Variants in CDH10 observed in about 807,000 individuals in gnomAD.
CDH10 encodes the protein cadherin 10.
A neutral mutation model predicts 73.1 loss-of-function variants in CDH10; 30 were observed. The ratio of observed to expected loss-of-function variants is 0.41; its 90% confidence interval spans 0.31 to 0.56. The LOEUF is 0.56. Among genes scored for constraint, CDH10 ranks in the 20% least tolerant of loss-of-function variants. CDH10 has a pLI of 0.27. For synonymous variants in CDH10, 345 were observed against 348.2 expected, an observed-to-expected ratio of 0.99 and a Z score of 0.10; for missense variants, 815 against 973.7, an observed-to-expected ratio of 0.84 and a Z score of 2.17.
Position 24,491,678 on chromosome 5 carries a change from G to A in CDH10, c.1774C>T (p.Gln592Ter). Residue 592 changes from glutamine to a stop codon, truncating the protein, a stop_gained, in exon 11 of 12, where the codon CAA (glutamine) becomes TAA (stop). Transcript: ENST00000264463. LOFTEE classifies it high-confidence loss of function. ...GCACTGCAGGATTGCATGTTGCCTTGGCTGTCACAAGCACACACTCGAATG... is the reference window on the plus strand; with the variant it reads ...GCACTGCAGGATTGCATGTTGCCTTAGCTGTCACAAGCACACACTCGAATG... Reference protein sequence around the residue: ...LTIRVCACDSQGNMQSCSAEA... With the variant: ...LTIRVCACDS 6.2e-7 allele frequency: 1 copy of A among 1,613,934 alleles called. No individual in the cohort carries two copies. Among genetic ancestry groups the A allele is most frequent in the Non-Finnish European group, 8.5e-7 (1 of 1,179,884 alleles).
rs1286070945 is a variant in CDH10 at position 24,487,574 on chromosome 5, G to A, written c.*89C>T. On this transcript the variant is annotated 3_prime_UTR_variant, in exon 12 of 12. Coordinates refer to ENST00000264463, the MANE Select transcript of CDH10 (RefSeq NM_006727.5). ...GAAAAAAAATTGTGCTGACTGGCAG[G>A]AAAATGCTCCTGAATATCAAATATT... is the stretch of plus-strand genomic sequence containing the variant. 1.5e-6 allele frequency: 2 copies of A among 1,339,874 alleles called. No individual in the cohort carries two copies. The highest frequency in any genetic ancestry group is 2.0e-6 in the Non-Finnish European group (2 of 976,438). The allele number at this position is 1,339,874 out of a possible 1,614,324, so 83.0% of individuals were successfully genotyped here. A position where few individuals can be genotyped will look rare whatever the true frequency, so the allele number is the denominator to read the frequency against.
intron 8 of CDH10, 63 bp downstream of exon 8, chr5:24,505,049 T>C: frequency 8.9e-7 from 1 of 1,126,912 alleles, no homozygotes; most frequent in Non-Finnish European, 1.3e-6. Flanking sequence ...TATGTTAAAC[T>C]GCATAAAATA....
At position 24,517,236 on chromosome 5, in the gene CDH10, G is replaced by A. The variant is rs890686310; in HGVS notation, c.815-5722C>T. On this transcript the variant is annotated intron_variant, in intron 5 of 11. Coordinates refer to ENST00000264463, the MANE Select transcript of CDH10 (RefSeq NM_006727.5). ...GTAAATTTATATTTGTGAAGTAGTC[G>A]CACATTTTTGTTTAATCATTATTGC... 9.2e-5 allele frequency among the ~76,000 whole-genome samples: 14 copies of A among 152,140 alleles called. 1 individual carries two copies. The highest frequency in any genetic ancestry group is 4.1e-4 in the South Asian group (2 of 4,826).
chr5:24,602,372 G>A (rs1388033051), intron 1 of CDH10, among the ~76,000 whole-genome samples: 1 of 152,110 alleles, frequency 6.6e-6, no homozygotes, highest in Admixed American at 6.5e-5. Flanking sequence ...GGACCATTAA[G>A]CCACAATCTG....
In CDH10 at chr5:24,487,525, A is replaced by C. The variant is rs1378912337; in HGVS notation, c.*138T>G. Reference sequence around the variant, plus strand: ...CTACAGGAAAGAATTAATGTAATTAATGAACAAATTAAGAAGTAAATGAGA... The same window carrying C: ...CTACAGGAAAGAATTAATGTAATTACTGAACAAATTAAGAAGTAAATGAGA... On this transcript the variant is annotated 3_prime_UTR_variant, in exon 12 of 12. Transcript: ENST00000264463. The C allele has an allele frequency of 2.7e-6, 2 of 743,274 alleles. No individual in the cohort carries two copies. Among genetic ancestry groups the C allele is most frequent in the Non-Finnish European group, 4.5e-6 (2 of 440,378 alleles). 46.0% of individuals were successfully genotyped at this position (743,274 alleles called of 1,614,324 possible). A position where few individuals can be genotyped will look rare whatever the true frequency, so the allele number is the denominator to read the frequency against.
At chr5:24,554,116 G>GAGAGAGAGAGAGAGAGGAGA (rs1561159236) in intron 2 of CDH10, 1 of 26,336 alleles carries the variant, frequency 3.8e-5, no homozygotes, top group Non-Finnish European at 9.2e-5. Context: ...GTGGGCGGGG[G>GAGAGAGAGAGAGAGAGGAGA]GGGGAGAGAG....
intron 2 of CDH10, among the ~76,000 whole-genome samples, chr5:24,557,996 G>T (rs1173048584): frequency 1.3e-5 from 2 of 151,564 alleles, no homozygotes; most frequent in East Asian, 3.9e-4. Flanking sequence ...GAAACAAGAG[G>T]CAAAGTATGA....
intron 2 of CDH10, among the ~76,000 whole-genome samples, chr5:24,579,058 G>C (rs7447903): frequency 3.3e-5 from 5 of 151,670 alleles, no homozygotes; most frequent in African/African-American, 7.2e-5. Flanking sequence ...TAATCACTCA[G>C]GTTAATTTAC....
At position 24,555,495 on chromosome 5, in the gene CDH10, A is replaced by G. The variant is rs541298857; in HGVS notation, c.232-17821T>C. On this transcript the variant is annotated intron_variant, in intron 2 of 11. Coordinates refer to ENST00000264463, the MANE Select transcript of CDH10 (RefSeq NM_006727.5). ...TTACTCTGTCGGCAGAGCAGGCAGC[A>G]TAAGTTTCATGCTAGTATCAGTTTC... 9.2e-5 allele frequency among the ~76,000 whole-genome samples: 14 copies of G among 152,288 alleles called. No individual in the cohort carries two copies. The South Asian group carries it at 2.5e-3, about 27-fold the overall frequency.
chr5:24,575,897 T>C (rs1745582684), intron 2 of CDH10, among the ~76,000 whole-genome samples: 1 of 151,932 alleles, frequency 6.6e-6, no homozygotes, highest in African/African-American at 2.4e-5. Context: ...TCTATAAACA[T>C]TTTTTTTCTC....
intron 5 of CDH10, among the ~76,000 whole-genome samples, chr5:24,526,750 T>C (rs1301919888): frequency 6.6e-6 from 1 of 151,876 alleles, no homozygotes; most frequent in Non-Finnish European, 1.5e-5. Flanking sequence ...GCTATCAAAA[T>C]AATTGGTCAA....
chr5:24,644,527 C>G (rs187386200), intron 1 of CDH10, 67 bp downstream of exon 1: 2 of 151,924 alleles, frequency 1.3e-5, no homozygotes. Flanking sequence ...TCTCCCCCCC[C>G]ACCCCTCAAG....
intron 4 of CDH10, 110 bp downstream of exon 4, chr5:24,535,593 C>T (rs1212088046): frequency 3.2e-6 from 3 of 945,352 alleles, no homozygotes; most frequent in African/African-American, 3.3e-5. Flanking sequence ...TGTCTTCACT[C>T]ATCTGTGAGT....
intron 2 of CDH10, among the ~76,000 whole-genome samples, chr5:24,540,817 A>C (rs1008490539): frequency 1.1e-4 from 16 of 151,960 alleles, no homozygotes; most frequent in African/African-American, 3.4e-4. Context: ...ATTTGAGGGC[A>C]TGACATTAGC....
chr5:24,507,493 A>C (rs1742739222), intron 7 of CDH10, among the ~76,000 whole-genome samples: 1 of 151,768 alleles, frequency 6.6e-6, no homozygotes, highest in African/African-American at 2.4e-5. Context: ...ATATCCACAG[A>C]TATATTTTGA....
chr5:24,500,009 C>G (rs1206525236), intron 8 of CDH10, among the ~76,000 whole-genome samples: 1 of 152,092 alleles, frequency 6.6e-6, no homozygotes, highest in Non-Finnish European at 1.5e-5. Context: ...CAAAACAAAA[C>G]AATAGCAGAA....
intron 2 of CDH10, among the ~76,000 whole-genome samples, chr5:24,587,043 A>C (rs534942236): frequency 2.7e-5 from 4 of 150,472 alleles, no homozygotes; most frequent in Admixed American, 2.0e-4. Flanking sequence ...ACGGGGTTTC[A>C]TCGTGTTAGC....
At chr5:24,627,777 C>G (rs1747561187) in intron 1 of CDH10, among the ~76,000 whole-genome samples, 1 of 151,924 alleles carries the variant, frequency 6.6e-6, no homozygotes, top group Non-Finnish European at 1.5e-5. Context: ...ATTTTAATAG[C>G]AGAAAAAACA....
At chr5:24,530,836 AC>A (rs1178664899) in intron 5 of CDH10, among the ~76,000 whole-genome samples, 3 of 152,098 alleles carry the variant, frequency 2.0e-5, no homozygotes, top group Non-Finnish European at 1.5e-5. Flanking sequence ...TAAGAATTAT[AC>A]TAATGTGCAT....
Sources: gnomAD v4.1 joint callset for allele counts (sites outside exome capture counted in the v4.1 genomes callset) on GRCh38, gnomAD v4.1.1 for gene constraint, MANE v1.5 for transcripts, NCBI Gene and HGNC (gene_info 2026-07-23, HGNC 2026-07-21) for gene names.